NBAS: variants seen among roughly 807,000 people sequenced by gnomAD.
NBAS encodes NBAS subunit of NRZ tethering complex.
A neutral mutation model predicts 302.5 loss-of-function variants in NBAS; 219 were observed. That is an observed-to-expected ratio of 0.72 (90% CI 0.65 to 0.81). The LOEUF (loss-of-function observed/expected upper bound fraction) is 0.81. NBAS is among the 30% of genes least tolerant of loss of function. NBAS has a pLI of 0.00. For missense variants in NBAS, 2,932 were observed against 2,841.6 expected, an observed-to-expected ratio of 1.03 and a Z score of -0.72; for synonymous variants, 1,118 against 1,021.6, an observed-to-expected ratio of 1.09 and a Z score of -1.80.
At chr2:15,046,310 T>A in the NBAS span, among the ~76,000 whole-genome samples, 2 of 152,238 alleles carry the variant, frequency 1.3e-5, no homozygotes. Context: ...ACAAATCTAT[T>A]CTAACTGGAA....
the NBAS span, among the ~76,000 whole-genome samples, chr2:14,795,363 G>C: frequency 2.0e-5 from 3 of 152,018 alleles, no homozygotes; most frequent in East Asian, 3.9e-4. Context: ...GAAAATCTTT[G>C]TGCATGCTTA....
At chr2:14,784,768 G>T in the NBAS span, among the ~76,000 whole-genome samples, 1 of 152,244 alleles carries the variant, frequency 6.6e-6, no homozygotes, top group East Asian at 1.9e-4. Flanking sequence ...CTCCAGCTTT[G>T]TTCTTTTGTC....
chr2:14,810,096 C>T, the NBAS span, among the ~76,000 whole-genome samples: 18 of 152,178 alleles, frequency 1.2e-4, no homozygotes, highest in African/African-American at 3.9e-4. Context: ...TTTATAGGCT[C>T]ATAGGCAGAA....
chr2:14,821,907 C>T, the NBAS span, among the ~76,000 whole-genome samples: 164 of 152,028 alleles, frequency 1.1e-3, 1 homozygote, highest in East Asian at 0.03. Flanking sequence ...GTGACAGGTG[C>T]CTGTAATCCC....
intron 9 of NBAS, among the ~76,000 whole-genome samples, chr2:15,529,328 T>C (rs1230024811): frequency 6.6e-6 from 1 of 151,930 alleles, no homozygotes; most frequent in African/African-American, 2.4e-5. Context: ...GGTGAAACCC[T>C]ATCTCTCCAA....
chr2:15,202,144 A>G (rs1665904818), intron 48 of NBAS, among the ~76,000 whole-genome samples: 1 of 152,176 alleles, frequency 6.6e-6, no homozygotes, highest in African/African-American at 2.4e-5. Flanking sequence ...AACCCAATGA[A>G]AGAACAGGAA....
At chr2:14,962,910 G>A in the NBAS span, among the ~76,000 whole-genome samples, 2 of 151,746 alleles carry the variant, frequency 1.3e-5, no homozygotes, top group Admixed American at 6.6e-5. Flanking sequence ...GCAAACGACA[G>A]CCTGCAGGCA....
At chr2:14,830,726 C>A in the NBAS span, among the ~76,000 whole-genome samples, 3 of 152,148 alleles carry the variant, frequency 2.0e-5, no homozygotes, top group African/African-American at 4.8e-5. Context: ...AAAAACAAAG[C>A]CCCTTCCAAT....
At chr2:15,078,743 A>G in the NBAS span, among the ~76,000 whole-genome samples, 12 of 152,228 alleles carry the variant, frequency 7.9e-5, no homozygotes, top group Non-Finnish European at 1.6e-4. Flanking sequence ...GACTGTACAG[A>G]AGAAAATATA....
rs116719082 is a variant in NBAS at position 15,278,011 on chromosome 2, C to T, written c.5139-910G>A. Among the ~76,000 whole-genome samples, 1,270 of 152,224 alleles carry T rather than the reference C, an allele frequency of 8.3e-3. 15 individuals are homozygous for T. The highest frequency in any genetic ancestry group is 0.014 in the Non-Finnish European group (946 of 67,994). On this transcript the variant is annotated intron_variant, in intron 42 of 51. Transcript: ENST00000281513. ...GTTCTAGGGTTCTCGGAAGCAGCAACAGAAGCATCTGGGGGCAGTAAGTGA... is the reference window on the plus strand; with the variant it reads ...GTTCTAGGGTTCTCGGAAGCAGCAATAGAAGCATCTGGGGGCAGTAAGTGA...
chr2:15,186,075 C>CAT (rs200630490), intron 50 of NBAS, among the ~76,000 whole-genome samples: 2,161 of 136,054 alleles, frequency 0.016, 27 homozygotes, highest in African/African-American at 0.04. Flanking sequence ...TCCATACATA[C>CAT]ATATATATAT....
intron 6 of NBAS, among the ~76,000 whole-genome samples, chr2:15,544,783 G>A (rs976503188): frequency 3.3e-5 from 5 of 152,098 alleles, no homozygotes; most frequent in South Asian, 2.1e-4. Flanking sequence ...AGGCCAAGGC[G>A]GGTGGATAAC....
the NBAS span, among the ~76,000 whole-genome samples, chr2:14,864,624 T>C: frequency 0.29 from 44,245 of 152,000 alleles, 7,083 homozygotes; most frequent in East Asian, 0.4. Context: ...GGAGAAAACA[T>C]AGTGCCCAAT....
intron 48 of NBAS, among the ~76,000 whole-genome samples, chr2:15,195,832 G>A (rs73194940): frequency 0.018 from 2,791 of 152,246 alleles, 69 homozygotes; most frequent in African/African-American, 0.062. Flanking sequence ...CACTACACTG[G>A]TAAGAAAAGA....
chr2:14,890,222 G>A, the NBAS span, among the ~76,000 whole-genome samples: 17 of 152,102 alleles, frequency 1.1e-4, no homozygotes, highest in South Asian at 6.2e-4. Context: ...TAGTTCCTAA[G>A]AATTTTGTTC....
chr2:14,833,953 A>G, the NBAS span, among the ~76,000 whole-genome samples: 8 of 152,274 alleles, frequency 5.3e-5, no homozygotes, highest in East Asian at 1.5e-3. Context: ...GCAATATTAC[A>G]AGAACAGTCT....
chr2:15,479,216 GA>G (rs936351223), intron 12 of NBAS, among the ~76,000 whole-genome samples: 7 of 151,656 alleles, frequency 4.6e-5, no homozygotes, highest in Middle Eastern at 3.4e-3. Context: ...AACTTAATCA[GA>G]AAAAAAATTA....
chr2:15,095,825 G>T, the NBAS span, among the ~76,000 whole-genome samples: 1 of 152,210 alleles, frequency 6.6e-6, no homozygotes, highest in East Asian at 1.9e-4. Context: ...CTTAGTCAGT[G>T]GTTGATTCCT....
the NBAS span, among the ~76,000 whole-genome samples, chr2:14,879,279 T>C: frequency 6.6e-6 from 1 of 152,214 alleles, no homozygotes; most frequent in Non-Finnish European, 1.5e-5. Flanking sequence ...GTGCAGATTT[T>C]TGTTTGTATA....
Sources: allele counts gnomAD v4.1 joint callset (sites outside exome capture counted in the v4.1 genomes callset), GRCh38; gene constraint gnomAD v4.1.1; transcripts MANE v1.5; gene names NCBI Gene and HGNC (gene_info 2026-07-23, HGNC 2026-07-21).